DNAJC7: variants seen among roughly 807,000 people sequenced by gnomAD.
DNAJC7 encodes DnaJ heat shock protein family (Hsp40) member C7, also known as dnaJ homolog subfamily C member 7.
Under a neutral mutation model 67.4 loss-of-function variants are expected in DNAJC7, and 18 were observed. The observed-to-expected ratio is 0.27, with a 90% CI of 0.18 to 0.40. The LOEUF is 0.40. Ranked by LOEUF, DNAJC7 falls within the 10% of genes least tolerant of loss-of-function variation. The probability of loss-of-function intolerance (pLI) is 1.00; values close to 1 mark genes in which losing one functional copy is unlikely to be tolerated. For missense variants in DNAJC7, 419 were observed against 613.8 expected, an observed-to-expected ratio of 0.68 and a Z score of 3.35; for synonymous variants, 220 against 207.8, an observed-to-expected ratio of 1.06 and a Z score of -0.50.
intron 1 of DNAJC7, 125 bp downstream of exon 1, chr17:42,017,215 T>TG (rs1210883513): frequency 6.8e-5 from 108 of 1,591,352 alleles, no homozygotes; most frequent in African/African-American, 6.7e-5. Flanking sequence ...TGATCTCAGA[T>TG]GGGGGGGTGT....
intron 1 of DNAJC7, among the ~76,000 whole-genome samples, chr17:42,008,389 G>C (rs1023219944): frequency 9.5e-5 from 14 of 147,008 alleles, no homozygotes; most frequent in African/African-American, 3.5e-4. Flanking sequence ...GGAAGTCACA[G>C]GTATAGATAT....
chr17:41,979,550 TA>T (rs1463507360), intron 12 of DNAJC7, among the ~76,000 whole-genome samples: 2 of 148,516 alleles, frequency 1.3e-5, no homozygotes, highest in African/African-American at 2.5e-5. Context: ...TGGATGCCTG[TA>T]ATCCCAGCTG....
chr17:41,989,099 G>A (rs1555647305), intron 7 of DNAJC7, among the ~76,000 whole-genome samples: 2 of 152,146 alleles, frequency 1.3e-5, no homozygotes, highest in African/African-American at 2.4e-5. Flanking sequence ...AAATACCAAT[G>A]AGACCTATGT....
chr17:41,989,566 G>A lies in DNAJC7; in HGVS notation c.600-9C>T. The A allele has an allele frequency of 6.2e-7, 1 of 1,613,496 alleles. No individual in the cohort carries two copies. The highest frequency in any genetic ancestry group is 8.5e-7 in the Non-Finnish European group (1 of 1,179,688). On this transcript the variant is annotated splice_polypyrimidine_tract_variant and intron_variant, in intron 6 of 13. Coordinates refer to ENST00000457167, the MANE Select transcript of DNAJC7 (RefSeq NM_003315.4). ...CCATTCGTAGAATGTCACTGCAATA[G>A]TCAGAAAAGGGCACATTGAGCTGTG...
At chr17:41,988,454 G>T (rs930005263) in intron 8 of DNAJC7, among the ~76,000 whole-genome samples, 3 of 152,216 alleles carry the variant, frequency 2.0e-5, no homozygotes, top group African/African-American at 4.8e-5. Flanking sequence ...AGCAACAGTA[G>T]GTGCTTAAGA....
chr17:42,013,207 A>C (rs2052166585), intron 1 of DNAJC7: 1 of 152,184 alleles, frequency 6.6e-6, no homozygotes, highest in Non-Finnish European at 1.5e-5. Flanking sequence ...CAAAGTGCTA[A>C]GATTACAGGC....
intron 1 of DNAJC7, chr17:42,013,759 A>C (rs2052181360): frequency 6.6e-6 from 1 of 152,252 alleles, no homozygotes; most frequent in African/African-American, 2.4e-5. Flanking sequence ...GAAAAATCAT[A>C]CATAAACAAG....
intron 10 of DNAJC7, 134 bp from the exon 11 acceptor site, chr17:41,982,535 AT>A: frequency 8.4e-7 from 1 of 1,183,570 alleles, no homozygotes; most frequent in Non-Finnish European, 1.2e-6. Context: ...TCTTCTGGAG[AT>A]TAGAAAAAAA....
chr17:41,995,375 G>A (rs1420280316), intron 4 of DNAJC7, among the ~76,000 whole-genome samples: 1 of 152,184 alleles, frequency 6.6e-6, no homozygotes, highest in Non-Finnish European at 1.5e-5. Context: ...TAAAGGCAAT[G>A]CATTGCCAGG....
intron 12 of DNAJC7, among the ~76,000 whole-genome samples, chr17:41,981,299 C>T (rs892617220): frequency 2.0e-5 from 3 of 152,030 alleles, no homozygotes; most frequent in South Asian, 2.1e-4. Context: ...TGGGTGCAAG[C>T]GATTCTCATG....
At chr17:41,981,724 T>G in intron 12 of DNAJC7, 131 bp downstream of exon 12, 2 of 1,290,992 alleles carry the variant, frequency 1.5e-6, no homozygotes, top group Non-Finnish European at 2.1e-6. Context: ...TTTGTTTGAC[T>G]CCATGTCTAT....
At chr17:41,999,105 G>A (rs1336403145) in intron 2 of DNAJC7, among the ~76,000 whole-genome samples, 4 of 150,774 alleles carry the variant, frequency 2.7e-5, no homozygotes, top group Non-Finnish European at 5.9e-5. Flanking sequence ...TTTTTGAGAC[G>A]GAGATTCGCG....
At chr17:41,977,139 G>A in intron 13 of DNAJC7, 122 bp downstream of exon 13, 2 of 992,048 alleles carry the variant, frequency 2.0e-6, no homozygotes, top group Non-Finnish European at 3.0e-6. Context: ...TAGATGCCCT[G>A]CTAGATGAGA....
intron 1 of DNAJC7, among the ~76,000 whole-genome samples, chr17:42,002,534 C>T (rs1218074876): frequency 3.3e-5 from 5 of 152,176 alleles, no homozygotes; most frequent in African/African-American, 9.7e-5. Flanking sequence ...CTAATAACTA[C>T]TGAGGCCAGG....
intron 1 of DNAJC7, among the ~76,000 whole-genome samples, chr17:42,002,506 G>A (rs929079947): frequency 7.2e-5 from 11 of 152,144 alleles, no homozygotes; most frequent in African/African-American, 2.7e-4. Context: ...TGCAAAGGAT[G>A]ATTTTGGTGG....
chr17:42,010,320 C>A (rs373308470), intron 1 of DNAJC7, among the ~76,000 whole-genome samples: 857 of 133,062 alleles, frequency 6.4e-3, no homozygotes, highest in Middle Eastern at 7.8e-3. Context: ...CCTGTCTCTA[C>A]AAAAAAAAAA....
intron 12 of DNAJC7, among the ~76,000 whole-genome samples, chr17:41,978,822 G>A (rs548178478): frequency 3.9e-5 from 6 of 152,362 alleles, no homozygotes; most frequent in Admixed American, 1.3e-4. Flanking sequence ...GGAGCTTGCA[G>A]TGAGCAGAGA....
In DNAJC7 at chr17:41,988,744, C is replaced by T. The variant is rs782490515; in HGVS notation, c.906G>A (p.Thr302=). 7.5e-6 allele frequency: 12 copies of T among 1,604,666 alleles called. No individual in the cohort carries two copies. The African/African-American group carries it at 9.4e-5, about 13-fold the overall frequency. The change falls in exon 8 of 14, where the codon ACG becomes ACA. Residue 302 remains threonine, a synonymous_variant. Transcript: ENST00000457167. Reference sequence around the variant, plus strand: ...ATCAAGAGCTTACCTTGGAATTAACCGTACCCCGATTACAGTAGAGTTTAG... The same window carrying T: ...ATCAAGAGCTTACCTTGGAATTAACTGTACCCCGATTACAGTAGAGTTTAG... ...TNAKLYCNRG[T]VNSKLRKLDD...
intron 1 of DNAJC7, 148 bp downstream of exon 1, chr17:42,017,192 G>T (rs1478986363): frequency 2.5e-6 from 4 of 1,572,246 alleles, no homozygotes; most frequent in African/African-American, 1.3e-5. Flanking sequence ...CCTTCAGGGG[G>T]TCCATCCGGC....
Sources: gnomAD v4.1 joint callset for allele counts (sites outside exome capture counted in the v4.1 genomes callset) on GRCh38, gnomAD v4.1.1 for gene constraint, MANE v1.5 for transcripts, NCBI Gene and HGNC (gene_info 2026-07-23, HGNC 2026-07-21) for gene names.